The following NOX5 variants were observed in gnomAD, a reference collection of about 807,000 sequenced individuals.
The protein encoded by NOX5 is NADPH oxidase 5, also known as NADPH oxidase, EF-hand calcium binding domain 5.
A neutral mutation model predicts 85.7 loss-of-function variants in NOX5; 76 were observed. The observed-to-expected ratio is 0.89, with a 90% CI of 0.74 to 1.07. The LOEUF is 1.07. Among genes scored for constraint, NOX5 ranks in the 50% least tolerant of loss-of-function variants. The pLI, the probability that NOX5 is intolerant of heterozygous loss-of-function variation, is 0.00. For missense variants in NOX5, 973 were observed against 999.5 expected (o/e 0.97, Z 0.36); for synonymous variants, 405 against 401.4 (o/e 1.01, Z -0.11).
rs764203286 is a variant in NOX5 at position 69,035,778 on chromosome 15, G to C, written c.1030G>C (p.Ala344Pro). Residue 344 changes from alanine to proline, a missense_variant, in exon 7 of 16, where the codon GCC becomes CCC. By Grantham distance (27) the Ala-to-Pro change is conservative. Coordinates refer to ENST00000388866, the MANE Select transcript of NOX5 (RefSeq NM_024505.4). ...VNFVLQAQAE[A>P]SPFQFWELLL... ...TCCAGTACTCCAGGCTCAGGCGGAGGCCAGCCCTTTCCAGTTCTGGGAGCT... is the reference window on the plus strand; with the variant it reads ...TCCAGTACTCCAGGCTCAGGCGGAGCCCAGCCCTTTCCAGTTCTGGGAGCT... 3.7e-6 allele frequency: 6 copies of C among 1,614,040 alleles called. No individual in the cohort carries two copies. In the African/African-American group the frequency reaches 4.0e-5, roughly 11 times the overall value.
rs1016553009 is a variant in NOX5, at chr15:69,061,061, T to G, written c.*4365T>G. 1.3e-5 allele frequency: 2 copies of G among 152,260 alleles called. No individual in the cohort carries two copies. Among genetic ancestry groups the G allele is most frequent in the African/African-American group, 4.8e-5 (2 of 41,470 alleles). The allele number at this position is 152,260 out of a possible 1,614,324, so 9.4% of individuals were successfully genotyped here. A position where few individuals can be genotyped will look rare whatever the true frequency, so the allele number is the denominator to read the frequency against. On this transcript the variant is annotated 3_prime_UTR_variant, in exon 16 of 16. Coordinates refer to ENST00000388866, the MANE Select transcript of NOX5 (RefSeq NM_024505.4). ...TTCCTGTATTTGTGTGTTACCTGAGTAAGGTTTCACTTCCTGTATTACTCA... is the reference window on the plus strand; with the variant it reads ...TTCCTGTATTTGTGTGTTACCTGAGGAAGGTTTCACTTCCTGTATTACTCA...
At chr15:69,042,011 A>T (rs2050600787) in intron 9 of NOX5, among the ~76,000 whole-genome samples, 1 of 151,210 alleles carries the variant, frequency 6.6e-6, no homozygotes, top group Non-Finnish European at 1.5e-5. Flanking sequence ...TTAGACCCTT[A>T]TTCTGAGAAG....
intron 1 of NOX5, among the ~76,000 whole-genome samples, chr15:69,025,463 G>A (rs993647394): frequency 2.0e-5 from 3 of 152,136 alleles, no homozygotes; most frequent in Admixed American, 2.0e-4. Flanking sequence ...GAAACAAGAA[G>A]GCAGGCATCG....
intron 3 of NOX5, chr15:69,029,211 G>A (rs1215706828): frequency 1.3e-5 from 2 of 152,104 alleles, no homozygotes; most frequent in East Asian, 3.8e-4. Context: ...CTAAGAATCT[G>A]ACTTCTCTAG....
chr15:69,043,630 T>A (rs1224569178), intron 10 of NOX5: 1 of 152,060 alleles, frequency 6.6e-6, no homozygotes, highest in Non-Finnish European at 1.5e-5. Context: ...TATGCAGGGA[T>A]AGGTAGGAGA....
intron 13 of NOX5, 131 bp downstream of exon 13, chr15:69,048,042 A>G (rs548163902): frequency 1.9e-4 from 137 of 727,808 alleles, no homozygotes; most frequent in Non-Finnish European, 2.7e-4. Context: ...TTTCCCCACA[A>G]TACCCTGAAT....
chr15:69,032,113 T>C (rs2050443290), intron 4 of NOX5, among the ~76,000 whole-genome samples: 1 of 152,228 alleles, frequency 6.6e-6, no homozygotes, highest in Non-Finnish European at 1.5e-5. Context: ...TCGCCTGAAG[T>C]AAGTTGCCTA....
intron 9 of NOX5, among the ~76,000 whole-genome samples, 163 bp downstream of exon 9, chr15:69,039,152 T>C (rs1233069490): frequency 1.3e-5 from 2 of 152,112 alleles, no homozygotes; most frequent in African/African-American, 4.8e-5. Context: ...CAGACACCGA[T>C]TGGCATGGCA....
intron 9 of NOX5, among the ~76,000 whole-genome samples, 195 bp from the exon 10 acceptor site, chr15:69,042,468 T>C (rs752736644): frequency 6.6e-6 from 1 of 152,168 alleles, no homozygotes; most frequent in Non-Finnish European, 1.5e-5. Context: ...TCAAGAAAGA[T>C]CTCAAGGTCT....
chr15:69,024,351 C>T (rs1197316640), intron 1 of NOX5, among the ~76,000 whole-genome samples: 1 of 152,038 alleles, frequency 6.6e-6, no homozygotes, highest in Non-Finnish European at 1.5e-5. Flanking sequence ...GTCAAAAATA[C>T]CCAATGAAAA....
intron 1 of NOX5, among the ~76,000 whole-genome samples, chr15:69,022,019 T>A (rs576363248): frequency 3.1e-4 from 47 of 152,332 alleles, no homozygotes; most frequent in African/African-American, 1.1e-3. Flanking sequence ...CATTATTAAG[T>A]GGAAGCTGCT....
In NOX5 at chr15:69,042,740, CTGGGCCGTGG is replaced by C; in HGVS notation, c.1584_1593del (p.Gly529LeufsTer8). The stretch of plus-strand genomic sequence containing the variant: ...TGAGTCCTTCAAGGCATCAGACCCA[CTGGGCCGTGG>C]TTCTAAGAGGCTGTCGAGGAGTGTG... On this transcript the variant is annotated frameshift_variant, in exon 10 of 16. Coordinates refer to ENST00000388866, the MANE Select transcript of NOX5 (RefSeq NM_024505.4). LOFTEE classifies it high-confidence loss of function. 6.2e-7 allele frequency: 1 copy of C among 1,614,180 alleles called. No homozygotes were observed. Among genetic ancestry groups the C allele is most frequent in the Non-Finnish European group, 8.5e-7 (1 of 1,180,034 alleles).
chr15:69,042,897 A>C (rs1196520517), intron 10 of NOX5, 92 bp downstream of exon 10: 1 of 1,369,378 alleles, frequency 7.3e-7, no homozygotes, highest in Non-Finnish European at 1.0e-6. Context: ...TCAATTATTG[A>C]GCAACTGCTG....
chr15:69,038,757 T>A, intron 8 of NOX5, 100 bp from the exon 9 acceptor site: 1 of 1,536,546 alleles, frequency 6.5e-7, no homozygotes, highest in Non-Finnish European at 9.0e-7. Context: ...ATGCCTGTTT[T>A]ATGGAGGAGG....
chr15:69,041,304 G>A (rs1010947624), intron 9 of NOX5, among the ~76,000 whole-genome samples: 1 of 152,316 alleles, frequency 6.6e-6, no homozygotes, highest in Middle Eastern at 3.4e-3. Flanking sequence ...CCTAGAACTT[G>A]AGCTCCAGTC....
At chr15:69,024,647 G>C (rs892979333) in intron 1 of NOX5, among the ~76,000 whole-genome samples, 1 of 152,004 alleles carries the variant, frequency 6.6e-6, no homozygotes, top group Non-Finnish European at 1.5e-5. Flanking sequence ...TTTATTACTA[G>C]TTATTGTTAA....
Position 69,042,787 on chromosome 15 carries a change from G to A in NOX5, c.1629G>A (p.Lys543=). ...TGTCGAGGAGTGTGACAATGAGAAA[G>A]AGTCAAAGGTCGTCCAAGGTAGGTG... ...KRLSRSVTMR[K]SQRSSKGSEI... is the part of the protein sequence containing the mutation. Residue 543 remains lysine, a synonymous_variant, in exon 10 of 16, where the codon AAG becomes AAA. Transcript: ENST00000388866. 6.2e-7 allele frequency: 1 copy of A among 1,614,090 alleles called. No individual in the cohort carries two copies. The highest frequency in any genetic ancestry group is 8.5e-7 in the Non-Finnish European group (1 of 1,179,998).
In NOX5 at chr15:69,057,408, TC is replaced by T. The variant is rs951037762; in HGVS notation, c.*714del. The T allele has an allele frequency of 6.6e-6, 1 of 152,220 alleles. No homozygotes were observed. Among genetic ancestry groups the T allele is most frequent in the Non-Finnish European group, 1.5e-5 (1 of 68,048 alleles). The allele number at this position is 152,220 out of a possible 1,614,324, so 9.4% of individuals were successfully genotyped here. On this transcript the variant is annotated 3_prime_UTR_variant, in exon 16 of 16. Coordinates refer to ENST00000388866, the MANE Select transcript of NOX5 (RefSeq NM_024505.4). Reference sequence around the variant, plus strand: ...CCTGAAATATGTATTTTCCACCAAATCCATTTGCATAGGGAGAAATAAGCAG... The same window carrying T: ...CCTGAAATATGTATTTTCCACCAAATCATTTGCATAGGGAGAAATAAGCAG...
chr15:69,054,555 G>A (rs984087313), intron 14 of NOX5, among the ~76,000 whole-genome samples: 1 of 152,264 alleles, frequency 6.6e-6, no homozygotes, highest in South Asian at 2.1e-4. Context: ...GGCTCCAGCC[G>A]GGCACCACAC....
Sources: allele counts gnomAD v4.1 joint callset (sites outside exome capture counted in the v4.1 genomes callset), GRCh38; gene constraint gnomAD v4.1.1; transcripts MANE v1.5; gene names NCBI Gene and HGNC (gene_info 2026-07-23, HGNC 2026-07-21).